CLEC16A: variants seen among roughly 807,000 people sequenced by gnomAD.
CLEC16A encodes the protein C-type lectin domain containing 16A, also known as protein CLEC16A.
Under a neutral mutation model 109.5 loss-of-function variants are expected in CLEC16A, and 51 were observed. The observed-to-expected ratio is 0.47, with a 90% CI of 0.37 to 0.59. The LOEUF (loss-of-function observed/expected upper bound fraction) is 0.59, where lower values mean the gene tolerates loss of function less well. Among genes scored for constraint, CLEC16A ranks in the 20% least tolerant of loss-of-function variants. The pLI, the probability that CLEC16A is intolerant of heterozygous loss-of-function variation, is 0.00. For synonymous variants in CLEC16A, 673 were observed against 564.2 expected, an observed-to-expected ratio of 1.19 and a Z score of -2.73; for missense variants, 1,339 against 1,394.0, an observed-to-expected ratio of 0.96 and a Z score of 0.63.
intron 22 of CLEC16A, among the ~76,000 whole-genome samples, chr16:11,129,534 A>C (rs1045523479): frequency 6.6e-6 from 1 of 152,174 alleles, no homozygotes; most frequent in African/African-American, 2.4e-5. Flanking sequence ...ATGTCTTACT[A>C]TTTTTATGAA....
intron 3 of CLEC16A, among the ~76,000 whole-genome samples, chr16:10,963,834 G>A (rs75936831): frequency 6.6e-6 from 1 of 152,302 alleles, no homozygotes; most frequent in African/African-American, 2.4e-5. Flanking sequence ...CATTCTTGGG[G>A]GTGCTGCTGA....
chr16:11,042,221 G>C (rs777558232), intron 14 of CLEC16A, 33 bp from the exon 15 acceptor site: 1 of 1,517,114 alleles, frequency 6.6e-7, no homozygotes, highest in South Asian at 1.2e-5. Context: ...CCCCACCCTG[G>C]GTGTGCAAGG....
At chr16:11,034,033 GGAA>G (rs558420107) in intron 13 of CLEC16A, among the ~76,000 whole-genome samples, 28 of 152,316 alleles carry the variant, frequency 1.8e-4, no homozygotes, top group Admixed American at 1.7e-3. Flanking sequence ...TGTTTACCCA[GGAA>G]GAAGGAGTCT....
chr16:11,103,600 C>T (rs1476985397), intron 19 of CLEC16A, among the ~76,000 whole-genome samples: 2 of 152,112 alleles, frequency 1.3e-5, no homozygotes, highest in Non-Finnish European at 2.9e-5. Flanking sequence ...AAATAAATCA[C>T]CTCCTGCAAG....
At chr16:11,135,156 C>T (rs567310165) in intron 22 of CLEC16A, among the ~76,000 whole-genome samples, 14 of 152,336 alleles carry the variant, frequency 9.2e-5, no homozygotes, top group African/African-American at 2.9e-4. Context: ...TGGCAATTGC[C>T]TCTAAGAGAT....
intron 22 of CLEC16A, among the ~76,000 whole-genome samples, chr16:11,145,410 C>T (rs561191719): frequency 2.0e-5 from 3 of 152,356 alleles, no homozygotes; most frequent in South Asian, 4.1e-4. Flanking sequence ...CAATGTCATC[C>T]GCGGCCTCTC....
intron 18 of CLEC16A, among the ~76,000 whole-genome samples, chr16:11,060,565 G>A (rs907523596): frequency 6.6e-6 from 1 of 152,188 alleles, no homozygotes; most frequent in African/African-American, 2.4e-5. Context: ...TCAGCTGCCC[G>A]GTCTGTGAAA....
chr16:11,131,906 C>G (rs939096178), intron 22 of CLEC16A, among the ~76,000 whole-genome samples: 2 of 152,188 alleles, frequency 1.3e-5, no homozygotes, highest in Non-Finnish European at 2.9e-5. Flanking sequence ...GGGCCAAGTG[C>G]GTCCCATTTC....
At chr16:11,044,193 C>G (rs920008539) in intron 16 of CLEC16A, 121 bp downstream of exon 16, 1 of 805,216 alleles carries the variant, frequency 1.2e-6, no homozygotes, top group African/African-American at 1.8e-5. Context: ...CCTATAATTA[C>G]TGAATAAAAA....
At chr16:11,152,024 G>A (rs1183676011) in intron 22 of CLEC16A, among the ~76,000 whole-genome samples, 1 of 152,174 alleles carries the variant, frequency 6.6e-6, no homozygotes. Flanking sequence ...TGAGCAAAAG[G>A]ATAGAACTAG....
intron 19 of CLEC16A, among the ~76,000 whole-genome samples, chr16:11,067,349 G>GT (rs1394281485): frequency 1.6e-5 from 1 of 61,516 alleles, no homozygotes; most frequent in East Asian, 9.7e-4. Context: ...CTAAGAGCAG[G>GT]TGACGGGGTT....
chr16:11,126,118 C>T lies in CLEC16A; in HGVS notation c.2613C>T (p.Ser871=), dbSNP rs772762995. 1.2e-5 allele frequency: 20 copies of T among 1,613,702 alleles called. No individual in the cohort carries two copies. Among genetic ancestry groups the T allele is most frequent in the East Asian group, 2.2e-5 (1 of 44,864 alleles). ...GCAGCGACCCCACAGTGCAGCGCTC[C>T]GTGTTTGCATCGGTGGACAAGGTGC... The part of the protein sequence containing the change: ...RGSSDPTVQR[S]VFASVDKVPG... Residue 871 remains serine, a synonymous_variant, in exon 22 of 24, where the codon TCC becomes TCT. Transcript: ENST00000409790.
chr16:10,982,674 G>A (rs2043390614), intron 9 of CLEC16A, among the ~76,000 whole-genome samples: 1 of 152,222 alleles, frequency 6.6e-6, no homozygotes, highest in Admixed American at 6.5e-5. Flanking sequence ...AGCCAAATAG[G>A]CAACAGTCTG....
chr16:10,962,109 C>T (rs952417818), intron 2 of CLEC16A, among the ~76,000 whole-genome samples: 16 of 151,708 alleles, frequency 1.1e-4, no homozygotes, highest in African/African-American at 3.6e-4. Flanking sequence ...TGCACCACCG[C>T]CTAATTTTTT....
intron 19 of CLEC16A, among the ~76,000 whole-genome samples, chr16:11,105,273 G>T (rs1191637240): frequency 6.6e-6 from 1 of 152,176 alleles, no homozygotes; most frequent in Admixed American, 6.5e-5. Flanking sequence ...TGGAACTGCT[G>T]CTCCCTTGGA....
chr16:11,156,709 C>T (rs1191162332), intron 22 of CLEC16A: 4 of 1,278,534 alleles, frequency 3.1e-6, no homozygotes, highest in Admixed American at 2.3e-5. Flanking sequence ...AGGGCAGGGG[C>T]TGGGCGAGGC....
chr16:11,058,759 C>T (rs1278878971), intron 18 of CLEC16A, among the ~76,000 whole-genome samples: 1 of 152,150 alleles, frequency 6.6e-6, no homozygotes, highest in Non-Finnish European at 1.5e-5. Flanking sequence ...TGGTGGGCTG[C>T]AGAAAGCCAC....
intron 19 of CLEC16A, among the ~76,000 whole-genome samples, chr16:11,080,529 C>T (rs2049645114): frequency 6.6e-6 from 1 of 152,178 alleles, no homozygotes; most frequent in Non-Finnish European, 1.5e-5. Context: ...ATTGGGCGGT[C>T]CATTCGTTTC....
chr16:10,974,544 C>T (rs901813884), intron 7 of CLEC16A, among the ~76,000 whole-genome samples: 2 of 152,164 alleles, frequency 1.3e-5, no homozygotes, highest in Non-Finnish European at 2.9e-5. Flanking sequence ...GCACCCCTCC[C>T]CAGTCGTACC....
Sources: gnomAD v4.1 joint callset for allele counts (sites outside exome capture counted in the v4.1 genomes callset) on GRCh38, gnomAD v4.1.1 for gene constraint, MANE v1.5 for transcripts, NCBI Gene and HGNC (gene_info 2026-07-23, HGNC 2026-07-21) for gene names.